The following KCNT2 variants were observed in gnomAD, a reference collection of about 807,000 sequenced individuals.
KCNT2 encodes the protein potassium channel subfamily T member 2.
Under a neutral mutation model 153.8 loss-of-function variants are expected in KCNT2, and 67 were observed. That is an observed-to-expected ratio of 0.44 (90% confidence interval 0.36 to 0.53). The LOEUF (loss-of-function observed/expected upper bound fraction) is 0.53, where lower values mean the gene tolerates loss of function less well. KCNT2 is among the 20% of genes least tolerant of loss of function. The pLI is 0.00. For missense variants in KCNT2, 975 were observed against 1,354.8 expected (o/e 0.72, Z 4.40); for synonymous variants, 500 against 458.8 (o/e 1.09, Z -1.15).
chr1:196,458,289 TATTA>T (rs974345581), intron 8 of KCNT2, among the ~76,000 whole-genome samples: 1 of 151,874 alleles, frequency 6.6e-6, no homozygotes, highest in African/African-American at 2.4e-5. Flanking sequence ...AAGACTTCAA[TATTA>T]ATTATTTCTT....
intron 1 of KCNT2, among the ~76,000 whole-genome samples, chr1:196,499,251 C>T (rs1311709309): frequency 2.6e-5 from 4 of 152,234 alleles, no homozygotes; most frequent in African/African-American, 4.8e-5. Flanking sequence ...CCATTACTGT[C>T]AGTCAATAAA....
chr1:196,342,040 T>G, intron 15 of KCNT2, 39 bp downstream of exon 15: 1 of 1,586,620 alleles, frequency 6.3e-7, no homozygotes, highest in Non-Finnish European at 8.6e-7. Flanking sequence ...TATGCTTGAC[T>G]GATTGATATT....
chr1:196,317,376 C>A (rs1336363551), intron 20 of KCNT2: 7 of 306,952 alleles, frequency 2.3e-5, no homozygotes, highest in Non-Finnish European at 3.4e-5. Flanking sequence ...CCTAGGGATA[C>A]TTGGGTCTTT....
intron 1 of KCNT2, among the ~76,000 whole-genome samples, chr1:196,509,516 A>T (rs889676920): frequency 6.6e-6 from 1 of 152,214 alleles, no homozygotes; most frequent in Non-Finnish European, 1.5e-5. Context: ...GTTCAAAAAA[A>T]CTTTAAAAAT....
intron 26 of KCNT2, 80 bp from the exon 27 acceptor site, chr1:196,236,150 A>C: frequency 1.3e-6 from 1 of 774,724 alleles, no homozygotes; most frequent in South Asian, 1.4e-5. Flanking sequence ...CTTATATTCA[A>C]ACCATATAAC....
chr1:196,416,469 G>A (rs956779119), intron 12 of KCNT2, among the ~76,000 whole-genome samples: 12 of 152,130 alleles, frequency 7.9e-5, no homozygotes, highest in South Asian at 2.1e-4. Context: ...GCATCAGCTG[G>A]GGATGTTGGA....
At chr1:196,411,476 G>A (rs1349753383) in intron 12 of KCNT2, among the ~76,000 whole-genome samples, 1 of 139,758 alleles carries the variant, frequency 7.2e-6, no homozygotes, top group Admixed American at 7.4e-5. Flanking sequence ...AAAACGGCCA[G>A]TGAGATTCTG....
intron 25 of KCNT2, among the ~76,000 whole-genome samples, chr1:196,275,702 A>AT (rs201610584): frequency 4.4e-4 from 66 of 151,202 alleles, no homozygotes; most frequent in African/African-American, 1.0e-3. Context: ...CTTTAAAAGT[A>AT]TTTTTTTTTC....
intron 25 of KCNT2, chr1:196,259,708 CTT>C (rs1331702381): frequency 6.6e-6 from 1 of 151,946 alleles, no homozygotes; most frequent in Non-Finnish European, 1.5e-5. Flanking sequence ...TTCTCTCACA[CTT>C]AATTTCATCC....
chr1:196,547,115 A>T (rs1657206973), intron 1 of KCNT2, among the ~76,000 whole-genome samples: 1 of 152,010 alleles, frequency 6.6e-6, no homozygotes. Flanking sequence ...TAAGCATGCA[A>T]GAAGTTAAAG....
rs570581101 is a variant in KCNT2 at position 196,358,236 on chromosome 1, A to AT, written c.1403+14903dup. On this transcript the variant is annotated intron_variant, in intron 14 of 27. Coordinates refer to ENST00000294725, the MANE Select transcript of KCNT2 (RefSeq NM_198503.5). The stretch of plus-strand genomic sequence containing the variant: ...TTCTATGAGATTATCTTCCAAAACA[A>AT]TTTTTTTTTTTAAATTTCAGCAATC... Among the ~76,000 whole-genome samples the AT allele has an allele frequency of 4.9e-3, 714 of 147,064 alleles. 4 individuals are homozygous for AT. The highest frequency in any genetic ancestry group is 0.014 in the African/African-American group (563 of 40,296).
At chr1:196,334,100 C>A in intron 16 of KCNT2, 40 bp from the exon 17 acceptor site, 1 of 1,322,342 alleles carries the variant, frequency 7.6e-7, no homozygotes, top group South Asian at 1.2e-5. Context: ...AGGCGTTTGC[C>A]ATATTGATCA....
chr1:196,518,411 A>G (rs898386416), intron 1 of KCNT2, among the ~76,000 whole-genome samples: 1 of 151,940 alleles, frequency 6.6e-6, no homozygotes, highest in Non-Finnish European at 1.5e-5. Context: ...ACATGTATCA[A>G]TACTAATCCT....
At chr1:196,400,414 G>C (rs375303021) in intron 12 of KCNT2, among the ~76,000 whole-genome samples, 1 of 151,664 alleles carries the variant, frequency 6.6e-6, no homozygotes, top group East Asian at 2.0e-4. Context: ...TTATCCCTCA[G>C]TATCTAATTA....
intron 1 of KCNT2, among the ~76,000 whole-genome samples, chr1:196,568,440 C>CA (rs1660367976): frequency 6.6e-6 from 1 of 151,632 alleles, no homozygotes; most frequent in Non-Finnish European, 1.5e-5. Flanking sequence ...AAACAAAATA[C>CA]AAAAAATTAG....
intron 19 of KCNT2, among the ~76,000 whole-genome samples, chr1:196,326,343 G>T (rs1249437133): frequency 6.6e-6 from 1 of 151,794 alleles, no homozygotes; most frequent in Non-Finnish European, 1.5e-5. Flanking sequence ...GATAATTAAT[G>T]GTTCTTTAGA....
At chr1:196,278,895 G>A (rs1025701356) in intron 25 of KCNT2, among the ~76,000 whole-genome samples, 9 of 152,160 alleles carry the variant, frequency 5.9e-5, no homozygotes, top group African/African-American at 1.9e-4. Context: ...ATTTGAAGGT[G>A]GGGCTTTGGG....
At chr1:196,253,032 T>G (rs1436469568) in intron 26 of KCNT2, among the ~76,000 whole-genome samples, 1 of 151,242 alleles carries the variant, frequency 6.6e-6, no homozygotes, top group Admixed American at 6.6e-5. Flanking sequence ...TATGTATTTA[T>G]TAGTATTTAT....
At chr1:196,481,230 T>C (rs957038349) in intron 4 of KCNT2, among the ~76,000 whole-genome samples, 1 of 152,128 alleles carries the variant, frequency 6.6e-6, no homozygotes. Flanking sequence ...CACATACAAA[T>C]ATACAGACTT....
Sources: allele counts gnomAD v4.1 joint callset (sites outside exome capture counted in the v4.1 genomes callset), GRCh38; gene constraint gnomAD v4.1.1; transcripts MANE v1.5; gene names NCBI Gene and HGNC (gene_info 2026-07-23, HGNC 2026-07-21).